RP1: variants seen among roughly 807,000 people sequenced by gnomAD.
The protein encoded by RP1 is oxygen-regulated protein 1.
RP1 carries 16 observed loss-of-function variants against 14.8 expected under a neutral mutation model. That is an observed-to-expected ratio of 1.08 (90% CI 0.73 to 1.65). The LOEUF (loss-of-function observed/expected upper bound fraction) is 1.65, where lower values mean the gene tolerates loss of function less well. Among genes scored for constraint, RP1 ranks in the 40% most tolerant of loss-of-function variants. RP1 has a pLI of 0.00. For synonymous variants in RP1, 876 were observed against 883.6 expected, an observed-to-expected ratio of 0.99 and a Z score of 0.15; for missense variants, 2,631 against 2,535.0, an observed-to-expected ratio of 1.04 and a Z score of -0.81.
At chr8:54,820,642 A>G (rs1553765) in intron 24 of RP1, among the ~76,000 whole-genome samples, 46,532 of 151,846 alleles carry the variant, frequency 0.31, 7,316 homozygotes, top group South Asian at 0.37. Flanking sequence ...TGCATGCTGT[A>G]GGGGATGTGG....
rs1277716201 is a variant in RP1, at chr8:54,625,060, C to G, written c.1178C>G (p.Pro393Arg). 1 of 1,614,140 alleles carries G rather than the reference C, an allele frequency of 6.2e-7. No homozygotes were observed. The highest frequency in any genetic ancestry group is 8.5e-7 in the Non-Finnish European group (1 of 1,180,028). The part of the protein sequence containing the change: ...AACSFSADVS[P>R]MERSSNQEGS... ...TGTTCATTCTCTGCAGATGTGTCAC[C>G]TATGGAGCGAAGCAGTAATCAAGAG... Residue 393 changes from proline to arginine, a missense_variant, in exon 4 of 4, where the codon CCT becomes CGT. Physicochemically the swap from Pro to Arg is moderately radical, Grantham distance 103. Coordinates refer to ENST00000220676, the MANE Select transcript of RP1 (RefSeq NM_006269.2).
At chr8:54,700,403 T>C (rs1807984059) in intron 13 of RP1, among the ~76,000 whole-genome samples, 2 of 151,806 alleles carry the variant, frequency 1.3e-5, no homozygotes, top group Admixed American at 6.6e-5. Context: ...ATAATACTTA[T>C]TGAAAAAAAA....
intron 24 of RP1, among the ~76,000 whole-genome samples, chr8:54,816,336 A>G (rs898387942): frequency 6.6e-6 from 1 of 152,242 alleles, no homozygotes; most frequent in Non-Finnish European, 1.5e-5. Flanking sequence ...TACTGCAGAC[A>G]TGGAAAATGC....
chr8:54,809,039 A>G (rs968899297), intron 24 of RP1, among the ~76,000 whole-genome samples: 1 of 152,244 alleles, frequency 6.6e-6, no homozygotes. Context: ...GAATAGTTGT[A>G]GTATTTATGC....
chr8:54,606,892 C>T lies in RP1; in HGVS notation c.-12-14063C>T, dbSNP rs367720783. Among the ~76,000 whole-genome samples the T allele has an allele frequency of 1.5e-4, 23 of 152,330 alleles. No homozygotes were observed. The East Asian group carries it at 4.4e-3, about 29-fold the overall frequency. ...GTTCTCGTGCCATGGTTTTCAGCTC[C>T]ATCAGGTCCTTTAAGGACTTCTCTG... is the stretch of plus-strand genomic sequence containing the variant. On this transcript the variant is annotated intron_variant, in intron 1 of 22. Coordinates refer to the RP1 transcript ENST00000636932.
At chr8:54,802,060 A>T (rs1810721720) in intron 24 of RP1, among the ~76,000 whole-genome samples, 2 of 152,204 alleles carry the variant, frequency 1.3e-5, no homozygotes, top group African/African-American at 4.8e-5. Flanking sequence ...AGCTGCAGAT[A>T]ATATATAACA....
Position 54,621,037 on chromosome 8 carries a change from CT to C in RP1, c.72del (p.Arg25AlafsTer3), listed in dbSNP as rs921322180. 5 of 1,614,068 alleles carry C rather than the reference CT, an allele frequency of 3.1e-6. No individual in the cohort carries two copies. The African/African-American group carries it at 6.7e-5, about 22-fold the overall frequency. The part of the protein sequence containing the change: ...PTSSEGQVPP[P>X]RHLSLTHPVV... ...TCTTCTGAAGGTCAAGTTCCACCCC[CT>C]CGCCATTTGAGCCTCACTCATCCTG... On this transcript the variant is annotated frameshift_variant, in exon 2 of 4. Coordinates refer to ENST00000220676, the MANE Select transcript of RP1 (RefSeq NM_006269.2). LOFTEE classifies it high-confidence loss of function.
intron 17 of RP1, among the ~76,000 whole-genome samples, chr8:54,727,783 T>C (rs1256571989): frequency 6.6e-6 from 1 of 151,922 alleles, no homozygotes; most frequent in Non-Finnish European, 1.5e-5. Context: ...GCTGTTCAGA[T>C]AAACATTAAA....
intron 6 of RP1, among the ~76,000 whole-genome samples, chr8:54,658,261 G>A (rs1157105706): frequency 6.6e-6 from 1 of 152,032 alleles, no homozygotes; most frequent in Non-Finnish European, 1.5e-5. Context: ...TTCTTTTTAA[G>A]ACTGCGTAGG....
chr8:54,808,029 G>C (rs1313504299), intron 24 of RP1, among the ~76,000 whole-genome samples: 1 of 151,568 alleles, frequency 6.6e-6, no homozygotes. Context: ...GTTTGACCAA[G>C]TATTTGGGCC....
chr8:54,594,351 T>C (rs1213099314), intron 1 of RP1, among the ~76,000 whole-genome samples: 1 of 152,220 alleles, frequency 6.6e-6, no homozygotes, highest in African/African-American at 2.4e-5. Context: ...AAGAGCACTT[T>C]GTGTTGGACC....
At chr8:54,810,572 A>G (rs1810966860) in intron 24 of RP1, among the ~76,000 whole-genome samples, 1 of 152,152 alleles carries the variant, frequency 6.6e-6, no homozygotes, top group South Asian at 2.1e-4. Flanking sequence ...AAATAAATTG[A>G]CTGTTAACTA....
At chr8:54,795,122 A>G (rs1033841969) in intron 24 of RP1, among the ~76,000 whole-genome samples, 1 of 152,014 alleles carries the variant, frequency 6.6e-6, no homozygotes, top group African/African-American at 2.4e-5. Context: ...AGAAAAGGGA[A>G]CCCTTGTATA....
chr8:54,798,704 G>A (rs891402020), intron 24 of RP1, among the ~76,000 whole-genome samples: 1 of 152,114 alleles, frequency 6.6e-6, no homozygotes, highest in Non-Finnish European at 1.5e-5. Flanking sequence ...TTTGTCCTCA[G>A]AATATTTCAA....
chr8:54,612,057 C>T (rs1652065846), upstream of RP1, among the ~76,000 whole-genome samples: 1 of 152,076 alleles, frequency 6.6e-6, no homozygotes, highest in Non-Finnish European at 1.5e-5. Context: ...TTTCTAAACT[C>T]CCCGGTATAA....
chr8:54,591,236 C>T (rs982915382), intron 1 of RP1, among the ~76,000 whole-genome samples: 2 of 152,158 alleles, frequency 1.3e-5, no homozygotes, highest in Non-Finnish European at 2.9e-5. Flanking sequence ...AAACTCCGAA[C>T]CGCAGTCCAG....
At chr8:54,767,780 A>G (rs1190434267) in intron 22 of RP1, among the ~76,000 whole-genome samples, 1 of 152,342 alleles carries the variant, frequency 6.6e-6, no homozygotes, top group East Asian at 1.9e-4. Context: ...CATAACTAAT[A>G]AAGTAAGATT....
intron 24 of RP1, among the ~76,000 whole-genome samples, chr8:54,801,187 C>T (rs959365152): frequency 2.0e-5 from 3 of 152,144 alleles, no homozygotes; most frequent in Non-Finnish European, 4.4e-5. Flanking sequence ...TCCCAATTGG[C>T]TTGGGTCTGT....
intron 4 of RP1, chr8:54,649,218 T>C (rs924192372): frequency 8.3e-7 from 1 of 1,204,598 alleles, no homozygotes; most frequent in Non-Finnish European, 1.1e-6. Context: ...GGAATGAACA[T>C]AGTCTATCCC....
Sources: gnomAD v4.1 joint callset for allele counts (sites outside exome capture counted in the v4.1 genomes callset) on GRCh38, gnomAD v4.1.1 for gene constraint, MANE v1.5 for transcripts, NCBI Gene and HGNC (gene_info 2026-07-23, HGNC 2026-07-21) for gene names.